Variants in CCKBR observed in about 807,000 individuals in gnomAD.
The protein encoded by CCKBR is cholecystokinin B receptor, also known as gastrin/cholecystokinin type B receptor.
Under a neutral mutation model 34.6 loss-of-function variants are expected in CCKBR, and 33 were observed. That is an observed-to-expected ratio of 0.95 (90% CI 0.72 to 1.27). CCKBR has a LOEUF of 1.27. CCKBR is among the 50% of genes most tolerant of loss of function. The pLI, the probability that CCKBR is intolerant of heterozygous loss-of-function variation, is 0.00. For missense variants in CCKBR, 652 were observed against 617.4 expected, an observed-to-expected ratio of 1.06 and a Z score of -0.59; for synonymous variants, 269 against 267.5, an observed-to-expected ratio of 1.01 and a Z score of -0.06.
At chr11:6,261,841 C>A (rs1245749416) in intron 1 of CCKBR, among the ~76,000 whole-genome samples, 1 of 152,096 alleles carries the variant, frequency 6.6e-6, no homozygotes, top group African/African-American at 2.4e-5. Flanking sequence ...CAGGGGGATA[C>A]TTTACAAGGT....
chr11:6,263,561 C>T (rs1848167464), intron 1 of CCKBR, among the ~76,000 whole-genome samples: 1 of 151,520 alleles, frequency 6.6e-6, no homozygotes, highest in Non-Finnish European at 1.5e-5. Flanking sequence ...TCTTGACCTC[C>T]GCAGGCTCAA....
At chr11:6,270,364 G>T in intron 3 of CCKBR, 27 bp downstream of exon 3, 2 of 1,598,106 alleles carry the variant, frequency 1.3e-6, no homozygotes, top group Non-Finnish European at 1.7e-6. Context: ...ACTATCCTAG[G>T]AATTCCTTTC....
At chr11:6,265,701 AT>A (rs1848199778) in intron 1 of CCKBR, among the ~76,000 whole-genome samples, 1 of 152,166 alleles carries the variant, frequency 6.6e-6, no homozygotes. Context: ...CTCCCCTCAA[AT>A]TTTGTCACCT....
At chr11:6,260,998 G>C (rs1848120944) in intron 1 of CCKBR, among the ~76,000 whole-genome samples, 2 of 152,316 alleles carry the variant, frequency 1.3e-5, no homozygotes, top group East Asian at 3.9e-4. Context: ...GGGATTCTAG[G>C]TGAAGGAGCA....
chr11:6,260,473 AG>A (rs1244838267), intron 1 of CCKBR, among the ~76,000 whole-genome samples: 3 of 152,170 alleles, frequency 2.0e-5, no homozygotes, highest in Non-Finnish European at 4.4e-5. Flanking sequence ...AAGGGAAGGA[AG>A]AAAGGAAGGC....
intron 1 of CCKBR, among the ~76,000 whole-genome samples, chr11:6,267,272 CA>C (rs1848223444): frequency 6.6e-6 from 1 of 151,480 alleles, no homozygotes; most frequent in Non-Finnish European, 1.5e-5. Flanking sequence ...CAGTGTAAAA[CA>C]AAAAACACAT....
intron 1 of CCKBR, among the ~76,000 whole-genome samples, chr11:6,261,047 G>C (rs1358399927): frequency 6.6e-6 from 1 of 152,168 alleles, no homozygotes; most frequent in Non-Finnish European, 1.5e-5. Context: ...CTCAAAAAGG[G>C]AAAGTTGGAA....
intron 1 of CCKBR, among the ~76,000 whole-genome samples, chr11:6,268,025 G>T (rs139607972): frequency 2.0e-5 from 3 of 152,208 alleles, no homozygotes; most frequent in Admixed American, 6.5e-5. Flanking sequence ...TTTATGTTTT[G>T]TAGAGACGGG....
intron 1 of CCKBR, chr11:6,264,737 A>ACACAGACACACACG: frequency 2.0e-6 from 1 of 508,806 alleles, no homozygotes. Flanking sequence ...ACACACACAC[A>ACACAGACACACACG]CACACACGCA....
rs200384464 is a variant in CCKBR, at chr11:6,271,356, A to G, written c.1157A>G (p.Asn386Ser). Residue 386 changes from asparagine to serine, a missense_variant, in exon 5 of 5, where the codon AAC becomes AGC. Transcript: ENST00000334619. ...CTGAGCTACGCCTCGGCCTGTGTCA[A>G]CCCCCTGGTCTACTGCTTCATGCAC... Reference protein sequence around the residue: ...HLLSYASACVNPLVYCFMHRR... With the variant: ...HLLSYASACVSPLVYCFMHRR... 5 of 1,613,720 alleles carry G rather than the reference A, an allele frequency of 3.1e-6. 1 individual carries two copies. The highest frequency in any genetic ancestry group is 3.3e-5 in the Admixed American group (2 of 59,996).
chr11:6,264,724 T>TAC (rs5789456), intron 1 of CCKBR: 34 of 427,200 alleles, frequency 8.0e-5, no homozygotes, highest in African/African-American at 4.2e-4. Flanking sequence ...CACACATCAA[T>TAC]ACACACACAC....
At chr11:6,270,402 T>G (rs1848280708) in intron 3 of CCKBR, 65 bp downstream of exon 3, 3 of 1,545,268 alleles carry the variant, frequency 1.9e-6, no homozygotes, top group Admixed American at 1.8e-5. Context: ...TTACGACCAT[T>G]GCCCAGAATC....
Position 6,271,172 on chromosome 11 carries a change from C to G in CCKBR, c.973C>G (p.Leu325Val), listed in dbSNP as rs200736965. The change falls in exon 5 of 5, where the codon CTG becomes GTG. Residue 325 changes from leucine (L) to valine (V), a missense_variant. Leu to Val is a conservative substitution (Grantham distance 32, BLOSUM62 1). Transcript: ENST00000334619. ...CGGCTCCCGGCCCACCCAGGCCAAG[C>G]TGCTGGCTAAGAAGCGCGTGGTGCG... ...GSGSRPTQAKLLAKKRVVRML... is the reference protein window; with the variant it reads ...GSGSRPTQAKVLAKKRVVRML... The G allele has an allele frequency of 1.2e-6, 2 of 1,614,162 alleles. No homozygotes were observed. Among genetic ancestry groups the G allele is most frequent in the South Asian group, 2.2e-5 (2 of 91,088 alleles).
At chr11:6,266,834 T>C (rs901676067) in intron 1 of CCKBR, among the ~76,000 whole-genome samples, 3 of 152,154 alleles carry the variant, frequency 2.0e-5, no homozygotes, top group Admixed American at 2.0e-4. Context: ...CATAGAGTGT[T>C]TGTCACACAA....
At chr11:6,269,404 T>C (rs1848257423) in intron 1 of CCKBR, among the ~76,000 whole-genome samples, 1 of 151,904 alleles carries the variant, frequency 6.6e-6, no homozygotes, top group African/African-American at 2.4e-5. Context: ...TCTTAAGAAG[T>C]TTGTCTGCAG....
Position 6,270,763 on chromosome 11 carries a change from C to T in CCKBR, c.771C>T (p.Ser257=), listed in dbSNP as rs1046394124. The stretch of plus-strand genomic sequence containing the variant: ...TTCGCTTTGACGGCGACAGTGACAG[C>T]GACAGCCAAAGCAGGGTCCGAAACC... ...LGLRFDGDSD[S]DSQSRVRNQG... is the part of the protein sequence containing the mutation. Residue 257 remains serine, a synonymous_variant, in exon 4 of 5, where the codon AGC becomes AGT. Transcript: ENST00000334619. 3.7e-6 allele frequency: 6 copies of T among 1,614,040 alleles called. No individual in the cohort carries two copies. The African/African-American group carries it at 5.3e-5, about 14-fold the overall frequency.
chr11:6,271,038 G>C lies in CCKBR; in HGVS notation c.839G>C (p.Arg280Pro), dbSNP rs202141196. 6 of 1,614,060 alleles carry C rather than the reference G, an allele frequency of 3.7e-6. No individual in the cohort carries two copies. The highest frequency in any genetic ancestry group is 5.1e-6 in the Non-Finnish European group (6 of 1,180,048). Reference protein sequence around the residue: ...PGAVHQNGRCRPETGAVGEDS... With the variant: ...PGAVHQNGRCPPETGAVGEDS... ...GCTGTTCACCAGAACGGGCGTTGCC[G>C]GCCTGAGACTGGCGCGGTTGGCGAA... is the stretch of plus-strand genomic sequence containing the variant. Residue 280 changes from arginine (R) to proline (P), a missense_variant, in exon 5 of 5, where the codon CGG becomes CCG. Physicochemically the swap from Arg to Pro is moderately radical, Grantham distance 103. Transcript: ENST00000334619.
At chr11:6,261,454 A>AAAAAAAAAAAATATATATAT (rs1447691939) in intron 1 of CCKBR, among the ~76,000 whole-genome samples, 1 of 60,894 alleles carries the variant, frequency 1.6e-5, no homozygotes, top group Non-Finnish European at 3.0e-5. Flanking sequence ...AAAAAAAAAA[A>AAAAAAAAAAAATATATATAT]ATATATATAC....
chr11:6,267,309 T>C (rs1250770575), intron 1 of CCKBR, among the ~76,000 whole-genome samples: 1 of 152,208 alleles, frequency 6.6e-6, no homozygotes, highest in Non-Finnish European at 1.5e-5. Context: ...AAATATTTTC[T>C]TTTTTTATAC....
Sources: allele counts gnomAD v4.1 joint callset (sites outside exome capture counted in the v4.1 genomes callset), GRCh38; gene constraint gnomAD v4.1.1; transcripts MANE v1.5; gene names NCBI Gene and HGNC (gene_info 2026-07-23, HGNC 2026-07-21).